DYM: variants seen among roughly 807,000 people sequenced by gnomAD.
DYM encodes dyggve-Melchior-Clausen syndrome protein.
DYM carries 78 observed loss-of-function variants against 93.1 expected under a neutral mutation model. The ratio of observed to expected loss-of-function variants is 0.84; its 90% confidence interval spans 0.70 to 1.01. The LOEUF is 1.01. Ranked by LOEUF, DYM falls within the 50% of genes least tolerant of loss-of-function variation. The pLI is 0.00. For missense variants in DYM, 789 were observed against 845.0 expected (o/e 0.93, Z 0.82); for synonymous variants, 321 against 319.7 (o/e 1.00, Z -0.04).
chr18:49,074,613 T>A (rs549262540), intron 17 of DYM, among the ~76,000 whole-genome samples: 64 of 152,318 alleles, frequency 4.2e-4, no homozygotes, highest in African/African-American at 1.5e-3. Flanking sequence ...CTAGGGCTCA[T>A]TACCTGTGGT....
intron 17 of DYM, chr18:49,049,723 T>G (rs1005961103): frequency 1.3e-5 from 2 of 154,410 alleles, no homozygotes; most frequent in Admixed American, 6.5e-5. Context: ...CTATGATGTT[T>G]ACTATGGCCT....
intron 13 of DYM, among the ~76,000 whole-genome samples, chr18:49,214,634 T>C (rs1041436160): frequency 3.9e-5 from 6 of 152,016 alleles, no homozygotes; most frequent in South Asian, 4.1e-4. Context: ...AAGGGGCTAA[T>C]TGTTAATTTT....
chr18:49,381,768 T>G (rs1188721280), intron 3 of DYM, among the ~76,000 whole-genome samples: 1 of 152,184 alleles, frequency 6.6e-6, no homozygotes, highest in African/African-American at 2.4e-5. Flanking sequence ...GGAGTTTTTA[T>G]CCAGCCTTCA....
chr18:49,266,215 T>C (rs1165252387), intron 11 of DYM, among the ~76,000 whole-genome samples: 1 of 152,156 alleles, frequency 6.6e-6, no homozygotes, highest in Admixed American at 6.5e-5. Flanking sequence ...AATACACTGG[T>C]TCTCTCTACA....
At chr18:49,254,259 G>A (rs1381195934) in intron 13 of DYM, among the ~76,000 whole-genome samples, 1 of 144,532 alleles carries the variant, frequency 6.9e-6, no homozygotes, top group Non-Finnish European at 1.5e-5. Context: ...ATAACATTCT[G>A]CTGTATAAAA....
At chr18:49,159,340 A>G (rs957785668) in intron 15 of DYM, among the ~76,000 whole-genome samples, 3 of 152,208 alleles carry the variant, frequency 2.0e-5, no homozygotes, top group Non-Finnish European at 4.4e-5. Flanking sequence ...TCATATGAAA[A>G]TCAGATCAGA....
chr18:49,292,592 GAAAA>G (rs72415237), intron 8 of DYM, among the ~76,000 whole-genome samples: 10,731 of 78,256 alleles, frequency 0.14, 1,221 homozygotes, highest in East Asian at 0.33. Flanking sequence ...TTTCCTGTTG[GAAAA>G]AAAAAAAAAA....
At chr18:49,136,786 CTCAG>C (rs2083900066) in intron 15 of DYM, among the ~76,000 whole-genome samples, 1 of 152,250 alleles carries the variant, frequency 6.6e-6, no homozygotes, top group Admixed American at 6.5e-5. Flanking sequence ...AAAGGGTGTT[CTCAG>C]TCAAAGTTTA....
intron 13 of DYM, among the ~76,000 whole-genome samples, chr18:49,252,355 G>A (rs2094310052): frequency 6.6e-6 from 1 of 151,792 alleles, no homozygotes; most frequent in Non-Finnish European, 1.5e-5. Flanking sequence ...TGAAGGAGAA[G>A]CACGGCACCT....
In DYM at chr18:49,044,317, C is replaced by G. The variant is rs1568332400; in HGVS notation, c.2026-113G>C. On this transcript the variant is annotated intron_variant, in intron 17 of 17. Coordinates refer to ENST00000675505, the MANE Select transcript of DYM (RefSeq NM_001353214.3). ...CGGGGAGCCCACCCACCCCTGCCAACTGGTCACAGGGCATGAAAGCTCTGG... is the reference window on the plus strand; with the variant it reads ...CGGGGAGCCCACCCACCCCTGCCAAGTGGTCACAGGGCATGAAAGCTCTGG... 6 of 1,149,512 alleles carry G rather than the reference C, an allele frequency of 5.2e-6. No homozygotes were observed. In the East Asian group the frequency reaches 7.0e-5, roughly 13 times the overall value. The allele number at this position is 1,149,512 out of a possible 1,614,324, so 71.2% of individuals were successfully genotyped here.
chr18:49,189,065 A>G (rs535762192), intron 14 of DYM, among the ~76,000 whole-genome samples: 2 of 152,322 alleles, frequency 1.3e-5, no homozygotes, highest in East Asian at 1.9e-4. Flanking sequence ...AAAAAACTAG[A>G]TATCACATAT....
At chr18:49,232,766 G>C (rs113210745) in intron 13 of DYM, among the ~76,000 whole-genome samples, 1,628 of 151,674 alleles carry the variant, frequency 0.011, 29 homozygotes, top group African/African-American at 0.038. Context: ...GCGCCACCAC[G>C]CCTGGCTAAT....
At chr18:49,449,278 C>T (rs1472626369) in intron 1 of DYM, among the ~76,000 whole-genome samples, 1 of 152,156 alleles carries the variant, frequency 6.6e-6, no homozygotes, top group African/African-American at 2.4e-5. Context: ...CTAAGCCAAA[C>T]CCTAATTACA....
At chr18:49,077,644 G>A (rs901761330) in intron 17 of DYM, among the ~76,000 whole-genome samples, 5 of 152,178 alleles carry the variant, frequency 3.3e-5, no homozygotes, top group Admixed American at 2.0e-4. Context: ...TGATATTGAA[G>A]CTTTGCTATT....
At chr18:49,128,005 T>A (rs1449636235) in intron 15 of DYM, among the ~76,000 whole-genome samples, 1 of 152,200 alleles carries the variant, frequency 6.6e-6, no homozygotes, top group African/African-American at 2.4e-5. Flanking sequence ...CCCACAAGCC[T>A]CAACCACAAC....
intron 16 of DYM, among the ~76,000 whole-genome samples, chr18:49,100,752 C>T (rs896317979): frequency 3.3e-5 from 5 of 152,124 alleles, no homozygotes; most frequent in African/African-American, 1.2e-4. Context: ...ATGACAATCC[C>T]ATGAGGCTGA....
At chr18:49,127,937 C>T (rs113658184) in intron 15 of DYM, among the ~76,000 whole-genome samples, 35 of 152,274 alleles carry the variant, frequency 2.3e-4, no homozygotes, top group East Asian at 7.7e-4. Context: ...TGGTCTCATG[C>T]GGGGATGTAA....
chr18:49,370,295 A>AAC (rs1555713863), intron 5 of DYM, among the ~76,000 whole-genome samples: 3 of 146,712 alleles, frequency 2.0e-5, no homozygotes, highest in South Asian at 2.1e-4. Flanking sequence ...AAAAAAAAAA[A>AAC]AAAACAAAAC....
intron 9 of DYM, among the ~76,000 whole-genome samples, chr18:49,283,028 A>G (rs1311808478): frequency 6.6e-6 from 1 of 152,216 alleles, no homozygotes; most frequent in East Asian, 1.9e-4. Context: ...TCATAAGTTG[A>G]AAATATTCTA....
Sources: allele counts gnomAD v4.1 joint callset (sites outside exome capture counted in the v4.1 genomes callset), GRCh38; gene constraint gnomAD v4.1.1; transcripts MANE v1.5; gene names NCBI Gene and HGNC (gene_info 2026-07-23, HGNC 2026-07-21).